ERGIC2: variants seen among roughly 807,000 people sequenced by gnomAD.
ERGIC2 encodes the protein ERGIC and golgi 2.
A neutral mutation model predicts 52.5 loss-of-function variants in ERGIC2; 31 were observed. The observed-to-expected ratio is 0.59, with a 90% CI of 0.44 to 0.80. The LOEUF (loss-of-function observed/expected upper bound fraction) is 0.80. ERGIC2 is among the 30% of genes least tolerant of loss of function. The probability of loss-of-function intolerance (pLI) is 0.00; values close to 1 mark genes in which losing one functional copy is unlikely to be tolerated. For missense variants in ERGIC2, 395 were observed against 455.2 expected, an observed-to-expected ratio of 0.87 and a Z score of 1.20; for synonymous variants, 129 against 140.6, an observed-to-expected ratio of 0.92 and a Z score of 0.58.
intron 2 of ERGIC2, 59 bp downstream of exon 2, chr12:29,371,469 G>T: frequency 1.8e-6 from 2 of 1,097,438 alleles, no homozygotes; most frequent in South Asian, 1.5e-5. Flanking sequence ...ATATGTTGTT[G>T]ACTGGATCAC....
At chr12:29,360,614 A>G (rs1940271490) in intron 6 of ERGIC2, among the ~76,000 whole-genome samples, 1 of 147,888 alleles carries the variant, frequency 6.8e-6, no homozygotes, top group South Asian at 2.1e-4. Flanking sequence ...TATGTACTAT[A>G]TATTATATAG....
chr12:29,376,851 G>A lies in ERGIC2; in HGVS notation c.-38+4264C>T, dbSNP rs894832581. Reference sequence around the variant, plus strand: ...ACAAAATTTTCTAGTCATGGACAACGTAGAAAAGAACTTTTAAAGCTAAAT... The same window carrying A: ...ACAAAATTTTCTAGTCATGGACAACATAGAAAAGAACTTTTAAAGCTAAAT... On this transcript the variant is annotated intron_variant, in intron 1 of 13. Coordinates refer to ENST00000360150, the MANE Select transcript of ERGIC2 (RefSeq NM_016570.3). 5.9e-5 allele frequency among the ~76,000 whole-genome samples: 9 copies of A among 152,132 alleles called. No individual in the cohort carries two copies. The East Asian group carries it at 1.3e-3, about 23-fold the overall frequency.
chr12:29,358,704 T>C (rs1375796208), intron 6 of ERGIC2, among the ~76,000 whole-genome samples: 1 of 152,020 alleles, frequency 6.6e-6, no homozygotes, highest in African/African-American at 2.4e-5. Flanking sequence ...TACATGTAAC[T>C]TGGAAAAAAG....
At chr12:29,380,852 TGAACTCCTTCGA>T (rs1940578563) in intron 1 of ERGIC2, 1 of 152,280 alleles carries the variant, frequency 6.6e-6, no homozygotes, top group African/African-American at 2.4e-5. Context: ...AGGAAGCACC[TGAACTCCTTCGA>T]GTTGCAGGAT....
intron 5 of ERGIC2, among the ~76,000 whole-genome samples, chr12:29,364,111 A>T (rs1940323160): frequency 6.6e-6 from 1 of 152,160 alleles, no homozygotes; most frequent in Non-Finnish European, 1.5e-5. Context: ...AGTTTATTTC[A>T]TAGGATAGAA....
intron 1 of ERGIC2, chr12:29,372,460 T>C (rs543793285): frequency 2.0e-5 from 3 of 151,876 alleles, no homozygotes; most frequent in African/African-American, 7.2e-5. Flanking sequence ...AAGAAGACAT[T>C]TACCACACCA....
At chr12:29,376,384 G>A (rs1279897065) in intron 1 of ERGIC2, among the ~76,000 whole-genome samples, 1 of 152,134 alleles carries the variant, frequency 6.6e-6, no homozygotes, top group Non-Finnish European at 1.5e-5. Context: ...TCAGCACCCA[G>A]ATCATTCAAT....
intron 7 of ERGIC2, among the ~76,000 whole-genome samples, chr12:29,357,044 T>C (rs1408791366): frequency 8.1e-6 from 1 of 123,894 alleles, no homozygotes; most frequent in Non-Finnish European, 1.6e-5. Context: ...CTTGGCTCAC[T>C]GTAACCCCGC....
chr12:29,376,444 G>C (rs951462414), intron 1 of ERGIC2, among the ~76,000 whole-genome samples: 1 of 152,106 alleles, frequency 6.6e-6, no homozygotes, highest in African/African-American at 2.4e-5. Flanking sequence ...TGCTCTGATG[G>C]CATTTATCCT....
chr12:29,350,823 C>T (rs964585557), intron 8 of ERGIC2, among the ~76,000 whole-genome samples: 22 of 151,974 alleles, frequency 1.4e-4, no homozygotes, highest in Non-Finnish European at 2.8e-4. Flanking sequence ...CAGATCCTTG[C>T]TTTAACTTTT....
chr12:29,365,662 TG>T (rs768128604), intron 5 of ERGIC2, among the ~76,000 whole-genome samples: 26 of 66,358 alleles, frequency 3.9e-4, no homozygotes, highest in Admixed American at 3.8e-3. Context: ...AAGGTAAGAA[TG>T]GCAGAAAATT....
rs373720548 is a variant in ERGIC2, at chr12:29,352,179, TGA to T, written c.573-2113_573-2112del. ...CATAGTACACCAAAGTACAAAGTAATGAGAGAGTCATATATGGTCTCTGCCAT... is the reference window on the plus strand; with the variant it reads ...CATAGTACACCAAAGTACAAAGTAATGAGAGTCATATATGGTCTCTGCCAT... On this transcript the variant is annotated intron_variant, in intron 8 of 13. Transcript: ENST00000360150. 2.2e-3 allele frequency among the ~76,000 whole-genome samples: 339 copies of T among 152,270 alleles called. 1 individual carries two copies. Among genetic ancestry groups the T allele is most frequent in the African/African-American group, 7.8e-3 (325 of 41,560 alleles).
At chr12:29,348,822 T>A (rs781385498) in intron 10 of ERGIC2, among the ~76,000 whole-genome samples, 1 of 151,976 alleles carries the variant, frequency 6.6e-6, no homozygotes, top group Non-Finnish European at 1.5e-5. Flanking sequence ...ATTTCTACTG[T>A]TTAAATTGAA....
At chr12:29,345,981 T>C (rs1230144061) in intron 10 of ERGIC2, among the ~76,000 whole-genome samples, 1 of 151,832 alleles carries the variant, frequency 6.6e-6, no homozygotes, top group Admixed American at 6.6e-5. Flanking sequence ...TAATCTGAAA[T>C]GTAATGTTAC....
In ERGIC2 at chr12:29,361,201, A is replaced by C. The variant is rs1229678404; in HGVS notation, c.374+444T>G. On this transcript the variant is annotated intron_variant, in intron 6 of 13. Transcript: ENST00000360150. ...TGTGAGGTGGGGGTTGCAGTGAGCC[A>C]AGATTGCGCCACTGTACTCCAGCCT... Among the ~76,000 whole-genome samples the C allele has an allele frequency of 2.0e-5, 3 of 152,092 alleles. No homozygotes were observed. The East Asian group carries it at 5.8e-4, about 29-fold the overall frequency.
rs1023238322 is a variant in ERGIC2, at chr12:29,338,288, T to C, written c.*2868A>G. On this transcript the variant is annotated 3_prime_UTR_variant, in exon 14 of 14. Coordinates refer to ENST00000360150, the MANE Select transcript of ERGIC2 (RefSeq NM_016570.3). Reference sequence around the variant, plus strand: ...TTAGTAAATTTTTAATTATAAAAATTCAATGCTATCATAAAACATACATGA... The same window carrying C: ...TTAGTAAATTTTTAATTATAAAAATCCAATGCTATCATAAAACATACATGA... 6.6e-6 allele frequency: 1 copy of C among 152,116 alleles called. No homozygotes were observed. The highest frequency in any genetic ancestry group is 2.4e-5 in the African/African-American group (1 of 41,406). 9.4% of individuals were successfully genotyped at this position (152,116 alleles called of 1,614,324 possible).
chr12:29,361,733 C>T (rs1229483549), intron 5 of ERGIC2, 48 bp from the exon 6 acceptor site: 5 of 1,468,680 alleles, frequency 3.4e-6, no homozygotes, highest in Non-Finnish European at 4.6e-6. Flanking sequence ...ATTCTCTTGG[C>T]TTTTACATCA....
At chr12:29,378,528 T>C (rs1321421023) in intron 1 of ERGIC2, among the ~76,000 whole-genome samples, 1 of 152,044 alleles carries the variant, frequency 6.6e-6, no homozygotes. Flanking sequence ...TTATATTGCA[T>C]TAGAATACTT....
intron 1 of ERGIC2, among the ~76,000 whole-genome samples, chr12:29,373,747 T>C (rs1419080067): frequency 1.3e-5 from 2 of 152,178 alleles, no homozygotes; most frequent in Non-Finnish European, 2.9e-5. Context: ...TTATGATTTT[T>C]TTCCCATGCA....
Sources: allele counts gnomAD v4.1 joint callset (sites outside exome capture counted in the v4.1 genomes callset), GRCh38; gene constraint gnomAD v4.1.1; transcripts MANE v1.5; gene names NCBI Gene and HGNC (gene_info 2026-07-23, HGNC 2026-07-21).